EMC3: variants seen among roughly 807,000 people sequenced by gnomAD.
EMC3 encodes ER membrane protein complex subunit 3, also known as 30 kDa protein.
EMC3 carries 13 observed loss-of-function variants against 36.6 expected under a neutral mutation model. The ratio of observed to expected loss-of-function variants is 0.35; its 90% CI spans 0.23 to 0.56. The LOEUF (loss-of-function observed/expected upper bound fraction) is 0.56, where lower values mean the gene tolerates loss of function less well. Among genes scored for constraint, EMC3 ranks in the 20% least tolerant of loss-of-function variants. The pLI is 0.84. For missense variants in EMC3, 220 were observed against 324.5 expected (o/e 0.68, Z 2.47); for synonymous variants, 120 against 111.9 (o/e 1.07, Z -0.46).
chr3:9,964,373 C>G (rs776271266), intron 7 of EMC3, among the ~76,000 whole-genome samples, 176 bp from the exon 8 acceptor site: 11 of 152,332 alleles, frequency 7.2e-5, no homozygotes, highest in Non-Finnish European at 1.0e-4. Flanking sequence ...TCCCCCTCTT[C>G]CTGCCACCCC....
intron 1 of EMC3, chr3:10,007,252 C>G (rs1221420799): frequency 1.9e-5 from 23 of 1,185,170 alleles, no homozygotes; most frequent in Non-Finnish European, 2.4e-5. Context: ...TAGAGTCCCA[C>G]ACATTGTTCA....
intron 1 of EMC3, among the ~76,000 whole-genome samples, chr3:9,984,657 C>CT (rs2085950773): frequency 6.6e-6 from 1 of 151,872 alleles, no homozygotes; most frequent in Non-Finnish European, 1.5e-5. Context: ...TCCCAAAGTG[C>CT]TGGGAGTACA....
Position 9,996,499 on chromosome 3 carries a change from A to G in EMC3, c.-241-9597T>C, listed in dbSNP as rs562009728. Among the ~76,000 whole-genome samples the G allele has an allele frequency of 2.6e-5, 4 of 152,312 alleles. No individual in the cohort carries two copies. The South Asian group carries it at 8.3e-4, about 32-fold the overall frequency. ...AAAAAGAAGAGATTAGATTGGAATC[A>G]TAACTTGTAACTCATTTGTATCTTT... On this transcript the variant is annotated intron_variant, in intron 1 of 8. Coordinates refer to the EMC3 transcript ENST00000470827.
upstream of EMC3, chr3:9,987,890 T>G: frequency 1.1e-6 from 1 of 878,536 alleles, no homozygotes; most frequent in Non-Finnish European, 1.9e-6. Context: ...CCATAGCTAA[T>G]ATTAACTTTC....
At chr3:9,991,834 A>C (rs1419372497), upstream of EMC3, among the ~76,000 whole-genome samples, 8 of 152,204 alleles carry the variant, frequency 5.3e-5, no homozygotes, top group Non-Finnish European at 1.0e-4. Flanking sequence ...GTTTCGGGGC[A>C]TGATTTCAGG....
intron 1 of EMC3, among the ~76,000 whole-genome samples, chr3:10,007,810 A>T (rs1394399069): frequency 3.9e-5 from 6 of 152,066 alleles, no homozygotes; most frequent in Non-Finnish European, 7.4e-5. Context: ...ACCCTTGTGC[A>T]TGGCCGGCAT....
intron 1 of EMC3, chr3:9,981,713 G>A (rs756665259): frequency 2.3e-6 from 1 of 435,614 alleles, no homozygotes; most frequent in South Asian, 1.6e-5. Flanking sequence ...GGGATTATAG[G>A]TGTGAGCCAT....
intron 1 of EMC3, among the ~76,000 whole-genome samples, chr3:9,978,761 T>G (rs184747963): frequency 2.0e-5 from 3 of 151,944 alleles, no homozygotes; most frequent in African/African-American, 7.2e-5. Flanking sequence ...ACCAGGAAGG[T>G]AGGGGGTTGC....
upstream of EMC3, chr3:9,987,167 T>C (rs2085985272): frequency 2.2e-6 from 2 of 892,252 alleles, no homozygotes; most frequent in Non-Finnish European, 2.7e-6. Flanking sequence ...TGAGCCGAGA[T>C]TGCTGCACTG....
At chr3:9,984,162 A>G (rs1304138469) in intron 1 of EMC3, among the ~76,000 whole-genome samples, 1 of 151,414 alleles carries the variant, frequency 6.6e-6, no homozygotes, top group Non-Finnish European at 1.5e-5. Flanking sequence ...GCTCACCGCA[A>G]CCTCTGCCTC....
intron 3 of EMC3, 24 bp downstream of exon 3, chr3:9,976,933 G>A (rs1381670458): frequency 6.4e-7 from 1 of 1,554,750 alleles, no homozygotes; most frequent in Non-Finnish European, 8.7e-7. Context: ...CTTCCTTAAA[G>A]ATGAGTGAAG....
intron 6 of EMC3, among the ~76,000 whole-genome samples, chr3:9,970,194 T>C (rs1380418972): frequency 1.3e-5 from 2 of 152,216 alleles, no homozygotes; most frequent in African/African-American, 4.8e-5. Context: ...GTTAAGTAAC[T>C]TGTTAAGTAA....
At chr3:9,965,519 T>C (rs1196427108) in intron 7 of EMC3, among the ~76,000 whole-genome samples, 2 of 152,200 alleles carry the variant, frequency 1.3e-5, no homozygotes, top group African/African-American at 4.8e-5. Context: ...TTTTCAGATA[T>C]AATTTACATG....
chr3:9,979,509 C>G (rs1236804256), intron 1 of EMC3, among the ~76,000 whole-genome samples: 2 of 152,180 alleles, frequency 1.3e-5, no homozygotes, highest in Non-Finnish European at 2.9e-5. Flanking sequence ...CTTAAATTCC[C>G]TAAGTCTCTA....
chr3:9,980,760 T>C (rs780339810), intron 1 of EMC3, among the ~76,000 whole-genome samples: 2 of 152,146 alleles, frequency 1.3e-5, no homozygotes, highest in Non-Finnish European at 2.9e-5. Flanking sequence ...TCCTAAGCAC[T>C]AGATTAATAG....
intron 1 of EMC3, chr3:10,003,246 T>TG (rs2086226110): frequency 2.2e-6 from 1 of 456,450 alleles, no homozygotes; most frequent in Admixed American, 2.3e-5. Flanking sequence ...TCATTCAGGC[T>TG]GGGCAGCCCA....
intron 1 of EMC3, among the ~76,000 whole-genome samples, chr3:9,997,775 T>C (rs547728225): frequency 3.2e-4 from 48 of 152,270 alleles, no homozygotes; most frequent in African/African-American, 1.1e-3. Flanking sequence ...TCTTTGTTTA[T>C]ACCACATTTT....
In EMC3 at chr3:9,964,095, T is replaced by C; in HGVS notation, c.760A>G (p.Lys254Glu). ...CAAAAAATAGAGGTCTGTAATTCCT[T>C]TTTGAACATGCCTTCGAAGTGGAGG... is the stretch of plus-strand genomic sequence containing the variant. Reference protein sequence around the residue: ...KDLHFEGMFKKELQTSIF With the variant: ...KDLHFEGMFKEELQTSIF Residue 254 changes from lysine to glutamate, a missense_variant, in exon 8 of 8, where the codon AAG (lysine) becomes GAG (glutamate). Transcript: ENST00000245046. The C allele has an allele frequency of 1.2e-6, 2 of 1,614,154 alleles. No homozygotes were observed. The highest frequency in any genetic ancestry group is 8.5e-7 in the Non-Finnish European group (1 of 1,180,016).
At chr3:9,974,866 T>TG (rs1205967571) in intron 3 of EMC3, among the ~76,000 whole-genome samples, 1 of 133,610 alleles carries the variant, frequency 7.5e-6, no homozygotes, top group African/African-American at 2.9e-5. Context: ...CGTTTTTTTT[T>TG]TTTTTTTTTT....
Sources: gnomAD v4.1 joint callset for allele counts (sites outside exome capture counted in the v4.1 genomes callset) on GRCh38, gnomAD v4.1.1 for gene constraint, MANE v1.5 for transcripts, NCBI Gene and HGNC (gene_info 2026-07-23, HGNC 2026-07-21) for gene names.